NALF1: variants seen among roughly 807,000 people sequenced by gnomAD.
NALF1 encodes family with sequence similarity 155 member A.
NALF1 carries 3 observed loss-of-function variants against 48.4 expected under a neutral mutation model. The observed-to-expected ratio is 0.06, with a 90% CI of 0.03 to 0.16. The LOEUF (loss-of-function observed/expected upper bound fraction) is 0.16, where lower values mean the gene tolerates loss of function less well. Among genes scored for constraint, NALF1 ranks in the 10% least tolerant of loss-of-function variants. NALF1 has a pLI of 1.00. For synonymous variants in NALF1, 262 were observed against 245.7 expected (o/e 1.07, Z -0.62); for missense variants, 526 against 571.5 (o/e 0.92, Z 0.81).
intron 1 of NALF1, among the ~76,000 whole-genome samples, chr13:107,757,904 T>TA (rs1389343152): frequency 6.6e-6 from 1 of 152,222 alleles, no homozygotes; most frequent in Non-Finnish European, 1.5e-5. Flanking sequence ...TGGTTATTGA[T>TA]AAAAAATTAT....
intron 1 of NALF1, among the ~76,000 whole-genome samples, chr13:107,608,709 A>G (rs1421619154): frequency 6.6e-6 from 1 of 152,228 alleles, no homozygotes; most frequent in Non-Finnish European, 1.5e-5. Context: ...GAGAAAAAAC[A>G]TATGATTGTG....
intron 1 of NALF1, among the ~76,000 whole-genome samples, chr13:107,565,092 T>A (rs951215516): frequency 3.6e-3 from 235 of 64,524 alleles, no homozygotes; most frequent in East Asian, 6.7e-3. Context: ...AAACCTAGCA[T>A]AAGTAAAAGA....
chr13:107,311,877 A>G (rs924566313), intron 1 of NALF1, among the ~76,000 whole-genome samples: 2 of 152,212 alleles, frequency 1.3e-5, no homozygotes, highest in African/African-American at 2.4e-5. Flanking sequence ...ATGAGATACC[A>G]TCTCACACCA....
chr13:107,552,454 AT>A (rs1228997473), intron 1 of NALF1, among the ~76,000 whole-genome samples: 2 of 152,286 alleles, frequency 1.3e-5, no homozygotes, highest in Non-Finnish European at 2.9e-5. Context: ...ATTTAATAGA[AT>A]TTCCTTCTTT....
intron 1 of NALF1, among the ~76,000 whole-genome samples, chr13:107,433,215 G>T (rs1221583545): frequency 2.0e-5 from 3 of 152,110 alleles, no homozygotes; most frequent in Non-Finnish European, 4.4e-5. Context: ...TGGTAATTCT[G>T]TGAAGTAAAC....
At chr13:107,822,305 T>C (rs1249150299) in intron 1 of NALF1, among the ~76,000 whole-genome samples, 1 of 139,128 alleles carries the variant, frequency 7.2e-6, no homozygotes, top group South Asian at 2.6e-4. Context: ...CCTGATGTCA[T>C]GCAAAAGTAT....
chr13:107,858,755 C>G (rs1260828175), intron 1 of NALF1, among the ~76,000 whole-genome samples: 1 of 152,132 alleles, frequency 6.6e-6, no homozygotes, highest in Admixed American at 6.5e-5. Context: ...TCCTCACATT[C>G]CCCATCTGTA....
intron 1 of NALF1, among the ~76,000 whole-genome samples, chr13:107,561,780 CCT>C (rs1877654766): frequency 6.6e-6 from 1 of 152,178 alleles, no homozygotes; most frequent in Non-Finnish European, 1.5e-5. Context: ...TGTCCATGTC[CCT>C]GTCATAGGAC....
At chr13:107,404,247 C>T (rs1030722848) in intron 1 of NALF1, among the ~76,000 whole-genome samples, 3 of 151,934 alleles carry the variant, frequency 2.0e-5, no homozygotes, top group Non-Finnish European at 2.9e-5. Context: ...GTGTCATTTG[C>T]AACTTAGAGG....
intron 1 of NALF1, among the ~76,000 whole-genome samples, chr13:107,652,634 A>G (rs990083979): frequency 1.3e-5 from 2 of 152,104 alleles, no homozygotes; most frequent in Non-Finnish European, 2.9e-5. Context: ...ATCTCAAACC[A>G]TTACAGCATG....
In NALF1 at chr13:107,166,176, T is replaced by C. The variant is rs1878655107; in HGVS notation, c.*4321A>G. 3 of 152,208 alleles carry C rather than the reference T, an allele frequency of 2.0e-5. No homozygotes were observed. The highest frequency in any genetic ancestry group is 2.0e-4 in the Admixed American group (3 of 15,274). 9.4% of individuals were successfully genotyped at this position (152,208 alleles called of 1,614,324 possible). A position where few individuals can be genotyped will look rare whatever the true frequency, so the allele number is the denominator to read the frequency against. Reference sequence around the variant, plus strand: ...ATCTCACGCCTGTAATCCCAACACTTTGGGAGGCCTAATCGGCGGATCTCC... The same window carrying C: ...ATCTCACGCCTGTAATCCCAACACTCTGGGAGGCCTAATCGGCGGATCTCC... On this transcript the variant is annotated 3_prime_UTR_variant, in exon 3 of 3. Coordinates refer to ENST00000375915, the MANE Select transcript of NALF1 (RefSeq NM_001080396.3).
intron 1 of NALF1, among the ~76,000 whole-genome samples, chr13:107,662,345 T>C (rs3906235): frequency 0.54 from 82,294 of 152,076 alleles, 23,436 homozygotes; most frequent in Middle Eastern, 0.71. Context: ...CCAGGACATG[T>C]TGCTAAGACA....
intron 1 of NALF1, among the ~76,000 whole-genome samples, chr13:107,783,305 A>G (rs1414294183): frequency 2.8e-4 from 27 of 97,906 alleles, no homozygotes; most frequent in Middle Eastern, 7.5e-3. Context: ...CTGCCCGGCC[A>G]CCCCTACTGG....
At chr13:107,655,030 A>C (rs532666282) in intron 1 of NALF1, among the ~76,000 whole-genome samples, 1 of 152,278 alleles carries the variant, frequency 6.6e-6, no homozygotes, top group Non-Finnish European at 1.5e-5. Context: ...CGACAAACCC[A>C]CAGCCAACAT....
At chr13:107,690,004 T>G (rs1311644782) in intron 1 of NALF1, among the ~76,000 whole-genome samples, 1 of 152,222 alleles carries the variant, frequency 6.6e-6, no homozygotes, top group Non-Finnish European at 1.5e-5. Context: ...GCAAGAAAGT[T>G]TAAGAAAGGA....
At position 107,383,637 on chromosome 13, in the gene NALF1, CT is replaced by C. The variant is rs529235090; in HGVS notation, c.916-172883del. On this transcript the variant is annotated intron_variant, in intron 1 of 2. Transcript: ENST00000375915. ...CTTGGGAAGTAATTGATGTTTATAC[CT>C]TTGTCATGCTTAAAAATATTCTGGG... 5.3e-5 allele frequency among the ~76,000 whole-genome samples: 8 copies of C among 152,138 alleles called. No individual in the cohort carries two copies. In the South Asian group the frequency reaches 1.7e-3, roughly 32 times the overall value.
chr13:107,319,532 GA>G (rs1882214430), intron 1 of NALF1, among the ~76,000 whole-genome samples: 1 of 151,874 alleles, frequency 6.6e-6, no homozygotes, highest in Non-Finnish European at 1.5e-5. Context: ...GATATGAGAA[GA>G]AAGTGCTTAT....
chr13:107,184,232 A>G (rs1337823393), intron 2 of NALF1, among the ~76,000 whole-genome samples: 2 of 152,110 alleles, frequency 1.3e-5, no homozygotes, highest in African/African-American at 2.4e-5. Flanking sequence ...TCAGACAAAT[A>G]TATTTCTCCC....
intron 1 of NALF1, among the ~76,000 whole-genome samples, chr13:107,326,078 C>A (rs2138919149): frequency 6.6e-6 from 1 of 150,750 alleles, no homozygotes; most frequent in East Asian, 2.0e-4. Context: ...GGAAAATATA[C>A]AAATTTCCAA....
Sources: allele counts gnomAD v4.1 joint callset (sites outside exome capture counted in the v4.1 genomes callset), GRCh38; gene constraint gnomAD v4.1.1; transcripts MANE v1.5; gene names NCBI Gene and HGNC (gene_info 2026-07-23, HGNC 2026-07-21).